The following CARD14 variants were observed in gnomAD, a reference collection of about 807,000 sequenced individuals.
CARD14 encodes caspase recruitment domain-containing protein 14.
CARD14 carries 107 observed loss-of-function variants against 111.5 expected under a neutral mutation model. The ratio of observed to expected loss-of-function variants is 0.96; its 90% CI spans 0.82 to 1.13. CARD14 has a LOEUF of 1.13. CARD14 is among the 50% of genes most tolerant of loss of function. CARD14 has a pLI of 0.00. For synonymous variants in CARD14, 617 were observed against 579.6 expected, an observed-to-expected ratio of 1.06 and a Z score of -0.93; for missense variants, 1,322 against 1,362.3, an observed-to-expected ratio of 0.97 and a Z score of 0.47.
intron 12 of CARD14, among the ~76,000 whole-genome samples, chr17:80,194,548 G>A (rs1035294850): frequency 6.6e-5 from 10 of 152,136 alleles, no homozygotes; most frequent in African/African-American, 2.4e-4. Flanking sequence ...TTCTCATGCT[G>A]GTGATACCCA....
At chr17:80,190,926 C>A in intron 10 of CARD14, 27 bp downstream of exon 10, 1 of 1,607,360 alleles carries the variant, frequency 6.2e-7, no homozygotes, top group Non-Finnish European at 8.5e-7. Context: ...GCCCACCCCG[C>A]CACCCCATGC....
chr17:80,199,628 C>T (rs912186034), intron 16 of CARD14, among the ~76,000 whole-genome samples: 50 of 146,270 alleles, frequency 3.4e-4, no homozygotes, highest in African/African-American at 1.2e-3. Flanking sequence ...CCTGTAATCC[C>T]AGCACTTTGG....
chr17:80,205,601 CG>C lies in CARD14; in HGVS notation c.2645del (p.Gly882AlafsTer5). 7 of 1,376,938 alleles carry C rather than the reference CG, an allele frequency of 5.1e-6. No homozygotes were observed. Among genetic ancestry groups the C allele is most frequent in the Non-Finnish European group, 6.8e-6 (7 of 1,035,806 alleles). The allele number at this position is 1,376,938 out of a possible 1,614,324, so 85.3% of individuals were successfully genotyped here. ...ACATCATCCAGGAGGGAGAGGTGTC[CG>C]GGGGCCGCTGCTGGGTGACCCGCCA... ...GDIIQEGEVS[G>X]GRCWVTRHAV... On this transcript the variant is annotated frameshift_variant, in exon 22 of 24. Coordinates refer to ENST00000648509, the MANE Select transcript of CARD14 (RefSeq NM_001366385.1). LOFTEE classifies it high-confidence loss of function.
intron 1 of CARD14, chr17:80,170,548 TGTGTGTGC>T (rs2039871364): frequency 6.6e-6 from 1 of 152,044 alleles, no homozygotes; most frequent in Non-Finnish European, 1.5e-5. Flanking sequence ...TGTACATGTG[TGTGTGTGC>T]GTGTGCGTGT....
chr17:80,200,499 A>T (rs896185043), intron 16 of CARD14, among the ~76,000 whole-genome samples: 1 of 151,968 alleles, frequency 6.6e-6, no homozygotes, highest in Non-Finnish European at 1.5e-5. Context: ...AGCCTCCTAA[A>T]GTGCTGGGAT....
Position 80,202,615 on chromosome 17 carries a change from A to G in CARD14, c.2219+195A>G, listed in dbSNP as rs1350803317. On this transcript the variant is annotated intron_variant, in intron 18 of 23. Coordinates refer to ENST00000648509, the MANE Select transcript of CARD14 (RefSeq NM_001366385.1). ...ATGGATGCTTTATATATTGCAAATG[A>G]AATGTTCATTCTAGAACATTCTAGA... 11 of 1,424,248 alleles carry G rather than the reference A, an allele frequency of 7.7e-6. No homozygotes were observed. In the Admixed American group the frequency reaches 2.6e-4, roughly 33 times the overall value. 88.2% of individuals were successfully genotyped at this position (1,424,248 alleles called of 1,614,324 possible). A position where few individuals can be genotyped will look rare whatever the true frequency, so the allele number is the denominator to read the frequency against.
chr17:80,199,848 C>A (rs2040879300), intron 16 of CARD14, among the ~76,000 whole-genome samples: 2 of 151,914 alleles, frequency 1.3e-5, no homozygotes, highest in Non-Finnish European at 2.9e-5. Flanking sequence ...TGCACTCCAG[C>A]CTGGGTGACA....
chr17:80,170,290 A>G (rs750135606), intron 1 of CARD14: 1 of 152,214 alleles, frequency 6.6e-6, no homozygotes, highest in Non-Finnish European at 1.5e-5. Flanking sequence ...CTGAATGCTG[A>G]GTTCTGCCTT....
At chr17:80,181,842 T>C (rs1322629906) in intron 5 of CARD14, among the ~76,000 whole-genome samples, 193 bp downstream of exon 5, 1 of 152,178 alleles carries the variant, frequency 6.6e-6, no homozygotes, top group Admixed American at 6.5e-5. Context: ...GCAAAGGCCC[T>C]TTTCCCAAAA....
chr17:80,204,639 A>AG, intron 20 of CARD14: 1 of 333,496 alleles, frequency 3.0e-6, no homozygotes, highest in Non-Finnish European at 5.5e-6. Flanking sequence ...AAAAAAAAAA[A>AG]TTTCAGGAGA....
At chr17:80,170,264 A>G (rs1045137212) in intron 1 of CARD14, 1 of 152,230 alleles carries the variant, frequency 6.6e-6, no homozygotes, top group Non-Finnish European at 1.5e-5. Flanking sequence ...TGCTGGGTCA[A>G]TCACTGGAAC....
At position 80,201,781 on chromosome 17, in the gene CARD14, T is replaced by TCCTGGAGGACACGAC; in HGVS notation, c.1899_1913dup (p.Asp633_Glu637dup). 6.2e-7 allele frequency: 1 copy of TCCTGGAGGACACGAC among 1,614,024 alleles called. No individual in the cohort carries two copies. The highest frequency in any genetic ancestry group is 8.5e-7 in the Non-Finnish European group (1 of 1,179,922). ...GCCTCAGAGCCCTTGTTCAAGGCAG[T>TCCTGGAGGACACGAC]CCTGGAGGACACGACCCTGGAGGAG... On this transcript the variant is annotated inframe_insertion, in exon 17 of 24. Transcript: ENST00000648509. This position sits in a 1 kb window ranked among gnomAD's most constrained non-coding sequence, Gnocchi z 5.0.
In CARD14 at chr17:80,182,938, G is replaced by T; in HGVS notation, c.349+148G>T. 1.1e-6 allele frequency: 1 copy of T among 948,358 alleles called. No homozygotes were observed. Among genetic ancestry groups the T allele is most frequent in the Non-Finnish European group, 1.6e-6 (1 of 632,934 alleles). 58.7% of individuals were successfully genotyped at this position (948,358 alleles called of 1,614,324 possible). A position where few individuals can be genotyped will look rare whatever the true frequency, so the allele number is the denominator to read the frequency against. On this transcript the variant is annotated intron_variant, in intron 6 of 23. Transcript: ENST00000648509. This position sits in a 1 kb window ranked among gnomAD's most constrained non-coding sequence, Gnocchi z 4.7. ...CTGTCCCAGCCCCAGCACTCTGAGG[G>T]TGAGGAACCCCCTCACTGTATTGGG...
Position 80,198,832 on chromosome 17 carries a change from T to C in CARD14, c.1851+241T>C. Reference sequence around the variant, plus strand: ...CATGCGGCGCTTCTGACCAGGGGTCTTTGCATGAGGCCCCTTGACAGGGCT... The same window carrying C: ...CATGCGGCGCTTCTGACCAGGGGTCCTTGCATGAGGCCCCTTGACAGGGCT... On this transcript the variant is annotated intron_variant, in intron 16 of 23. Coordinates refer to ENST00000648509, the MANE Select transcript of CARD14 (RefSeq NM_001366385.1). The surrounding 1 kb of genome is among the most constrained non-coding windows in gnomAD (Gnocchi z 7.5). 1 of 1,464,234 alleles carries C rather than the reference T, an allele frequency of 6.8e-7. No individual in the cohort carries two copies. The highest frequency in any genetic ancestry group is 1.5e-5 in the South Asian group (1 of 67,416). The allele number at this position is 1,464,234 out of a possible 1,614,324, so 90.7% of individuals were successfully genotyped here.
At chr17:80,172,208 A>G (rs2039917559) in intron 1 of CARD14, among the ~76,000 whole-genome samples, 2 of 152,226 alleles carry the variant, frequency 1.3e-5, no homozygotes, top group Admixed American at 1.3e-4. Flanking sequence ...CATTGGCCCC[A>G]AAGAAAGGCC....
At position 80,181,525 on chromosome 17, in the gene CARD14, G is replaced by A; in HGVS notation, c.87G>A (p.Arg29=). ...AGATGATGGAGAGCCACCGCCACAG[G>A]ATCGTACGCTGCATCTGCCCCAGCC... is the stretch of plus-strand genomic sequence containing the variant. The part of the protein sequence containing the change: ...LWEMMESHRH[R]IVRCICPSRL... The change falls in exon 5 of 24, where the codon AGG becomes AGA. Residue 29 remains arginine, a synonymous_variant. Transcript: ENST00000648509. 2.5e-6 allele frequency: 4 copies of A among 1,588,520 alleles called. No homozygotes were observed. The highest frequency in any genetic ancestry group is 1.3e-5 in the African/African-American group (1 of 74,396).
intron 21 of CARD14, 86 bp downstream of exon 21, chr17:80,205,291 C>T (rs1389187350): frequency 1.5e-5 from 19 of 1,260,254 alleles, no homozygotes; most frequent in East Asian, 2.4e-5. Flanking sequence ...CCCCTTCCTC[C>T]CTCCTCCTTC....
Position 80,208,412 on chromosome 17 carries a change from G to C in CARD14, c.*67G>C. The C allele has an allele frequency of 7.2e-7, 1 of 1,393,770 alleles. No individual in the cohort carries two copies. 86.3% of individuals were successfully genotyped at this position (1,393,770 alleles called of 1,614,324 possible). ...CCTGTTAATGCAGTCCTGTTCCTCA[G>C]CCCAGGCCCTCTTGGCACAGCTGTG... On this transcript the variant is annotated 3_prime_UTR_variant, in exon 24 of 24. Coordinates refer to ENST00000648509, the MANE Select transcript of CARD14 (RefSeq NM_001366385.1).
intron 7 of CARD14, among the ~76,000 whole-genome samples, chr17:80,186,291 C>T (rs1386169575): frequency 6.6e-6 from 1 of 152,210 alleles, no homozygotes; most frequent in Non-Finnish European, 1.5e-5. Flanking sequence ...TGACTCTGTT[C>T]TTGGCGCAGT....
Sources: allele counts gnomAD v4.1 joint callset (sites outside exome capture counted in the v4.1 genomes callset), GRCh38; gene constraint gnomAD v4.1.1; non-coding constraint Gnocchi (gnomAD v3.1); transcripts MANE v1.5; gene names NCBI Gene and HGNC (gene_info 2026-07-23, HGNC 2026-07-21).